The following EYS variants were observed in gnomAD, a reference collection of about 807,000 sequenced individuals.
The protein encoded by EYS is EGF-like photoreceptor maintenance factor.
In EYS, 250 loss-of-function variants were observed where a neutral mutation model predicts 282.1. The observed-to-expected ratio is 0.89, with a 90% CI of 0.80 to 0.98. The LOEUF is 0.98. Among genes scored for constraint, EYS ranks in the 50% least tolerant of loss-of-function variants. The probability of loss-of-function intolerance (pLI) is 0.00; values close to 1 mark genes in which losing one functional copy is unlikely to be tolerated. For missense variants in EYS, 4,016 were observed against 3,709.0 expected (o/e 1.08, Z -2.15); for synonymous variants, 1,355 against 1,282.9 (o/e 1.06, Z -1.20).
intron 12 of EYS, among the ~76,000 whole-genome samples, chr6:65,159,886 G>A (rs1379388948): frequency 1.3e-5 from 2 of 151,032 alleles, no homozygotes; most frequent in Admixed American, 1.3e-4. Flanking sequence ...AGAGAGGGAT[G>A]TAAGTGTCAT....
chr6:65,423,037 AAC>A (rs1767525849), intron 5 of EYS, among the ~76,000 whole-genome samples: 1 of 151,896 alleles, frequency 6.6e-6, no homozygotes, highest in Non-Finnish European at 1.5e-5. Flanking sequence ...GCTAAAACTA[AAC>A]ACAACATGAT....
intron 1 of EYS, among the ~76,000 whole-genome samples, chr6:65,706,470 A>T (rs1459993718): frequency 1.3e-5 from 2 of 152,030 alleles, no homozygotes; most frequent in Non-Finnish European, 2.9e-5. Context: ...TTAATAAGGT[A>T]AGAGTGTTGG....
chr6:64,546,759 GAC>G (rs1764886361), intron 26 of EYS, among the ~76,000 whole-genome samples: 1 of 152,128 alleles, frequency 6.6e-6, no homozygotes, highest in African/African-American at 2.4e-5. Flanking sequence ...GCAGCCAAAA[GAC>G]ACATGAAAAA....
rs181296448 is a variant in EYS at position 64,809,634 on chromosome 6, A to G, written c.3443+3744T>C. On this transcript the variant is annotated intron_variant, in intron 22 of 42. Coordinates refer to ENST00000503581, the MANE Select transcript of EYS (RefSeq NM_001142800.2). Reference sequence around the variant, plus strand: ...CATATACACCACACCATAGAGTACTATGCAGCCACAAAAAATAATGAAATT... The same window carrying G: ...CATATACACCACACCATAGAGTACTGTGCAGCCACAAAAAATAATGAAATT... Among the ~76,000 whole-genome samples, 183 of 152,212 alleles carry G rather than the reference A, an allele frequency of 1.2e-3. 2 individuals carry two copies. In the South Asian group the frequency reaches 0.012, roughly 10 times the overall value.
chr6:63,801,451 AG>A (rs1770780772), intron 37 of EYS, among the ~76,000 whole-genome samples: 1 of 152,206 alleles, frequency 6.6e-6, no homozygotes, highest in African/African-American at 2.4e-5. Context: ...AATGAATGAA[AG>A]GGAAAAATTG....
In EYS at chr6:64,085,323, CGTGCGCACGT is replaced by C. The variant is rs750699143; in HGVS notation, c.6425-3331_6425-3322del. Among the ~76,000 whole-genome samples the C allele has an allele frequency of 7.9e-3, 995 of 126,058 alleles. 9 individuals are homozygous for C. Among genetic ancestry groups the C allele is most frequent in the African/African-American group, 0.034 (902 of 26,468 alleles). The allele number at this position is 126,058 out of a possible 152,430, so 82.7% of individuals were successfully genotyped here. A position where few individuals can be genotyped will look rare whatever the true frequency, so the allele number is the denominator to read the frequency against. ...CTCCTTCTCCTTCCAGACGCGCGCG[CGTGCGCACGT>C]GCGCGCGCACACACACACACACACA... is the stretch of plus-strand genomic sequence containing the variant. On this transcript the variant is annotated intron_variant, in intron 31 of 42. Transcript: ENST00000503581.
intron 2 of EYS, among the ~76,000 whole-genome samples, chr6:65,575,065 T>C (rs1263301472): frequency 6.6e-6 from 1 of 152,114 alleles, no homozygotes; most frequent in Non-Finnish European, 1.5e-5. Context: ...CTCACGCCTA[T>C]AATCCTAGCA....
chr6:64,728,534 A>G (rs1485888725), intron 22 of EYS, among the ~76,000 whole-genome samples: 1 of 151,962 alleles, frequency 6.6e-6, no homozygotes, highest in Non-Finnish European at 1.5e-5. Context: ...GTGGGGTTTC[A>G]CCGCATTATC....
intron 28 of EYS, among the ~76,000 whole-genome samples, chr6:64,395,730 A>G (rs1164843335): frequency 1.3e-5 from 2 of 151,778 alleles, no homozygotes; most frequent in South Asian, 4.2e-4. Context: ...ACATGTATAC[A>G]TATGTAACTA....
chr6:63,873,110 G>A (rs78806336), intron 35 of EYS, among the ~76,000 whole-genome samples: 3 of 151,736 alleles, frequency 2.0e-5, no homozygotes, highest in Middle Eastern at 6.8e-3. Flanking sequence ...CCATTAACTC[G>A]ACATTTACAT....
chr6:63,790,796 A>G (rs1246107722), intron 37 of EYS, among the ~76,000 whole-genome samples: 1 of 152,010 alleles, frequency 6.6e-6, no homozygotes, highest in African/African-American at 2.4e-5. Context: ...GTGAATGGGA[A>G]TTTTTCTGAG....
At chr6:64,333,109 G>A (rs187960988) in intron 29 of EYS, among the ~76,000 whole-genome samples, 1 of 152,092 alleles carries the variant, frequency 6.6e-6, no homozygotes, top group Admixed American at 6.6e-5. Context: ...AGGAACTTGT[G>A]TCTATAACCA....
intron 19 of EYS, among the ~76,000 whole-genome samples, chr6:64,868,636 T>C (rs1766495747): frequency 6.6e-6 from 1 of 151,534 alleles, no homozygotes. Flanking sequence ...TTGGATTGAT[T>C]ATACATAATA....
chr6:63,955,402 T>C (rs757347384), intron 35 of EYS, among the ~76,000 whole-genome samples: 7 of 152,208 alleles, frequency 4.6e-5, no homozygotes, highest in African/African-American at 4.8e-5. Context: ...AGATCTTCAG[T>C]GGCAAGGTAC....
intron 10 of EYS, among the ~76,000 whole-genome samples, chr6:65,336,508 C>T (rs1769996066): frequency 6.6e-6 from 1 of 150,936 alleles, no homozygotes; most frequent in Admixed American, 6.6e-5. Flanking sequence ...TTTAAAATTC[C>T]ATTTTATTTT....
intron 22 of EYS, among the ~76,000 whole-genome samples, chr6:64,764,445 A>G (rs556172969): frequency 6.6e-6 from 1 of 152,356 alleles, no homozygotes; most frequent in Admixed American, 6.5e-5. Context: ...GCTGTGCTGC[A>G]GGGTGCCATG....
chr6:65,068,068 C>A (rs1359307537), intron 12 of EYS, among the ~76,000 whole-genome samples: 1 of 152,020 alleles, frequency 6.6e-6, no homozygotes, highest in Non-Finnish European at 1.5e-5. Context: ...TTGACGTTAT[C>A]TTCTATGCCC....
At chr6:64,241,550 G>C (rs1270801223) in intron 30 of EYS, among the ~76,000 whole-genome samples, 1 of 151,912 alleles carries the variant, frequency 6.6e-6, no homozygotes, top group African/African-American at 2.4e-5. Context: ...TTGTATTTCT[G>C]TGGGGTCAGT....
intron 15 of EYS, among the ~76,000 whole-genome samples, chr6:64,913,057 T>C (rs1583288026): frequency 6.6e-6 from 1 of 152,186 alleles, no homozygotes; most frequent in East Asian, 1.9e-4. Flanking sequence ...AATTTTCCTA[T>C]GAATTATTTA....
Sources: gnomAD v4.1 joint callset for allele counts (sites outside exome capture counted in the v4.1 genomes callset) on GRCh38, gnomAD v4.1.1 for gene constraint, MANE v1.5 for transcripts, NCBI Gene and HGNC (gene_info 2026-07-23, HGNC 2026-07-21) for gene names.